MRTFB: variants seen among roughly 807,000 people sequenced by gnomAD.
MRTFB encodes myocardin related transcription factor B.
In MRTFB, 29 loss-of-function variants were observed where a neutral mutation model predicts 104.2. The ratio of observed to expected loss-of-function variants is 0.28; its 90% confidence interval spans 0.21 to 0.38. The LOEUF (loss-of-function observed/expected upper bound fraction) is 0.38. Ranked by LOEUF, MRTFB falls within the 10% of genes least tolerant of loss-of-function variation. The probability of loss-of-function intolerance (pLI) is 1.00; values close to 1 mark genes in which losing one functional copy is unlikely to be tolerated. For missense variants in MRTFB, 1,270 were observed against 1,341.6 expected, an observed-to-expected ratio of 0.95 and a Z score of 0.83; for synonymous variants, 535 against 519.5, an observed-to-expected ratio of 1.03 and a Z score of -0.41.
chr16:14,034,667 C>T, the MRTFB span, among the ~76,000 whole-genome samples: 77,607 of 151,296 alleles, frequency 0.51, 20,363 homozygotes, highest in Middle Eastern at 0.66. Flanking sequence ...TTACATTGTC[C>T]TTCCTTTCTG....
At chr16:14,146,474 C>G (rs1188199436) in intron 3 of MRTFB, among the ~76,000 whole-genome samples, 1 of 152,180 alleles carries the variant, frequency 6.6e-6, no homozygotes, top group Non-Finnish European at 1.5e-5. Context: ...TAGATAATCT[C>G]TTTTTCAGTT....
intron 2 of MRTFB, among the ~76,000 whole-genome samples, chr16:14,115,562 A>G (rs889962475): frequency 4.6e-5 from 7 of 152,226 alleles, no homozygotes; most frequent in African/African-American, 1.4e-4. Flanking sequence ...GCCCAGCTAC[A>G]TTTTAAATAC....
chr16:14,149,057 T>C (rs954123961), intron 3 of MRTFB, among the ~76,000 whole-genome samples: 3 of 152,248 alleles, frequency 2.0e-5, no homozygotes, highest in Non-Finnish European at 4.4e-5. Context: ...AAGAGAGTAA[T>C]TGACTTGTTT....
intron 3 of MRTFB, among the ~76,000 whole-genome samples, chr16:14,154,741 T>C (rs1379987687): frequency 6.6e-6 from 1 of 152,250 alleles, no homozygotes; most frequent in Non-Finnish European, 1.5e-5. Context: ...GAAGGGTTCA[T>C]GTCCAAGCTT....
the MRTFB span, among the ~76,000 whole-genome samples, chr16:14,063,142 G>T: frequency 5.9e-5 from 9 of 152,164 alleles, no homozygotes; most frequent in Non-Finnish European, 1.3e-4. Context: ...CCAGCACTGG[G>T]TGCGGCAGAG....
At chr16:14,226,112 G>A (rs924346678) in intron 8 of MRTFB, among the ~76,000 whole-genome samples, 1 of 152,150 alleles carries the variant, frequency 6.6e-6, no homozygotes, top group Non-Finnish European at 1.5e-5. Flanking sequence ...GACATCCTGT[G>A]TTCATGGAAG....
At chr16:14,129,531 A>T (rs1463658761) in intron 2 of MRTFB, among the ~76,000 whole-genome samples, 2 of 152,196 alleles carry the variant, frequency 1.3e-5, no homozygotes, top group Non-Finnish European at 2.9e-5. Flanking sequence ...TCAGATGGAC[A>T]TATGTTTTTA....
intron 16 of MRTFB, 26 bp from the exon 17 acceptor site, chr16:14,260,883 C>CTAAT (rs759764779): frequency 1.3e-6 from 2 of 1,556,166 alleles, no homozygotes; most frequent in South Asian, 2.4e-5. Context: ...TCTTCAGTTA[C>CTAAT]TAATTACTTC....
chr16:14,250,268 T>A lies in MRTFB; in HGVS notation c.2403+1187T>A, dbSNP rs1332761316. Among the ~76,000 whole-genome samples, 7 of 152,234 alleles carry A rather than the reference T, an allele frequency of 4.6e-5. No individual in the cohort carries two copies. The East Asian group carries it at 1.2e-3, about 25-fold the overall frequency. ...TTGTACTGTTTGAGGTATATACACA[T>A]AGACTTTCCTGCTTATGAAATACAG... On this transcript the variant is annotated intron_variant, in intron 13 of 16. Transcript: ENST00000571589.
intron 3 of MRTFB, chr16:14,152,647 G>A (rs1274226791): frequency 6.6e-6 from 1 of 152,060 alleles, no homozygotes; most frequent in South Asian, 2.1e-4. Flanking sequence ...TGGGTAGTTG[G>A]GATTTATTTG....
intron 2 of MRTFB, among the ~76,000 whole-genome samples, chr16:14,095,869 C>T (rs1041677816): frequency 2.0e-5 from 3 of 151,972 alleles, no homozygotes; most frequent in Non-Finnish European, 4.4e-5. Context: ...TATTTACAAA[C>T]TGTACTGAAT....
the MRTFB span, among the ~76,000 whole-genome samples, chr16:14,024,409 G>C: frequency 6.6e-6 from 1 of 152,186 alleles, no homozygotes; most frequent in African/African-American, 2.4e-5. Context: ...GGTAGCCAAA[G>C]TCTAACAATA....
At chr16:14,030,332 GC>G in the MRTFB span, among the ~76,000 whole-genome samples, 2 of 152,162 alleles carry the variant, frequency 1.3e-5, no homozygotes, top group African/African-American at 2.4e-5. Flanking sequence ...TCTCCCCTCT[GC>G]CCTCTAACCA....
the MRTFB span, among the ~76,000 whole-genome samples, chr16:14,030,645 T>G: frequency 6.6e-6 from 1 of 152,180 alleles, no homozygotes; most frequent in South Asian, 2.1e-4. Context: ...TCAAGGCAGG[T>G]GCTAGTTCAA....
At chr16:14,217,005 A>G in intron 6 of MRTFB, 121 bp from the exon 7 acceptor site, 4 of 975,014 alleles carry the variant, frequency 4.1e-6, no homozygotes, top group Non-Finnish European at 5.7e-6. Flanking sequence ...CTTTCCATAA[A>G]TATGTCGAGA....
intron 1 of MRTFB, among the ~76,000 whole-genome samples, chr16:14,073,098 C>T (rs1233129070): frequency 5.9e-5 from 9 of 152,218 alleles, no homozygotes; most frequent in Non-Finnish European, 8.8e-5. Context: ...TTCCCTTACT[C>T]TATTTAAGCT....
At chr16:14,017,317 A>G in the MRTFB span, among the ~76,000 whole-genome samples, 1 of 151,294 alleles carries the variant, frequency 6.6e-6, no homozygotes, top group Non-Finnish European at 1.5e-5. Flanking sequence ...CGGCCTCCCA[A>G]AATGCTGGGA....
chr16:14,053,850 T>C, the MRTFB span, among the ~76,000 whole-genome samples: 1 of 152,164 alleles, frequency 6.6e-6, no homozygotes, highest in East Asian at 1.9e-4. Flanking sequence ...ATTGTGCCAC[T>C]GCATCCAGCC....
intron 6 of MRTFB, 131 bp from the exon 7 acceptor site, chr16:14,216,995 C>G (rs2041456894): frequency 6.7e-6 from 6 of 890,938 alleles, no homozygotes; most frequent in African/African-American, 1.7e-5. Flanking sequence ...GTCATTTTCT[C>G]TTTCCATAAA....
Sources: gnomAD v4.1 joint callset for allele counts (sites outside exome capture counted in the v4.1 genomes callset) on GRCh38, gnomAD v4.1.1 for gene constraint, MANE v1.5 for transcripts, NCBI Gene and HGNC (gene_info 2026-07-23, HGNC 2026-07-21) for gene names.